The following ATF6 variants were observed in gnomAD, a reference collection of about 807,000 sequenced individuals.
The protein encoded by ATF6 is cyclic AMP-dependent transcription factor ATF-6 alpha.
In ATF6, 53 loss-of-function variants were observed where a neutral mutation model predicts 83.6. The observed-to-expected ratio is 0.63, with a 90% CI of 0.51 to 0.80. ATF6 has a LOEUF of 0.80. ATF6 is among the 30% of genes least tolerant of loss of function. The pLI, the probability that ATF6 is intolerant of heterozygous loss-of-function variation, is 0.00. For synonymous variants in ATF6, 288 were observed against 285.8 expected (o/e 1.01, Z -0.08); for missense variants, 744 against 797.9 (o/e 0.93, Z 0.81).
At position 161,836,659 on chromosome 1, in the gene ATF6, T is replaced by G. The variant is rs948109378; in HGVS notation, c.1188-9790T>G. 3.9e-5 allele frequency among the ~76,000 whole-genome samples: 6 copies of G among 152,212 alleles called. No homozygotes were observed. In the East Asian group the frequency reaches 1.2e-3, roughly 29 times the overall value. Reference sequence around the variant, plus strand: ...AAAAGATGTCTTAGAACCTATCAAGTGCAGAGCTGGGTTTTGAGGGCATGG... The same window carrying G: ...AAAAGATGTCTTAGAACCTATCAAGGGCAGAGCTGGGTTTTGAGGGCATGG... On this transcript the variant is annotated intron_variant, in intron 9 of 15. Transcript: ENST00000367942.
At chr1:161,953,056 G>T (rs984548094) in intron 15 of ATF6, among the ~76,000 whole-genome samples, 3 of 152,060 alleles carry the variant, frequency 2.0e-5, no homozygotes, top group African/African-American at 4.8e-5. Context: ...TTAGGAGCTT[G>T]TTACAAGAAT....
chr1:161,890,610 G>C (rs988089862), intron 14 of ATF6, among the ~76,000 whole-genome samples: 3 of 152,216 alleles, frequency 2.0e-5, no homozygotes, highest in Non-Finnish European at 4.4e-5. Flanking sequence ...TAGGTGGAAG[G>C]GCGGCTTCGG....
chr1:161,887,786 T>G (rs1289537809), intron 14 of ATF6, among the ~76,000 whole-genome samples: 1 of 152,174 alleles, frequency 6.6e-6, no homozygotes, highest in Admixed American at 6.5e-5. Flanking sequence ...CATAAATCTC[T>G]AAGTATTCCT....
intron 14 of ATF6, among the ~76,000 whole-genome samples, chr1:161,900,247 G>A (rs992436614): frequency 2.8e-4 from 42 of 152,294 alleles, no homozygotes; most frequent in African/African-American, 1.0e-3. Context: ...GAAATATGCT[G>A]TAGGAACGTA....
intron 15 of ATF6, among the ~76,000 whole-genome samples, chr1:161,944,969 ATC>A: frequency 6.6e-6 from 1 of 152,332 alleles, no homozygotes; most frequent in East Asian, 1.9e-4. Context: ...TTGGCATTGT[ATC>A]TCATCCTGGT....
At chr1:161,877,415 G>A (rs1455000501) in intron 14 of ATF6, among the ~76,000 whole-genome samples, 1 of 152,084 alleles carries the variant, frequency 6.6e-6, no homozygotes, top group Non-Finnish European at 1.5e-5. Context: ...AACATGGGGG[G>A]AATTCAAGGA....
At chr1:161,853,165 A>G in intron 11 of ATF6, 59 bp from the exon 12 acceptor site, 1 of 1,215,268 alleles carries the variant, frequency 8.2e-7, no homozygotes, top group Non-Finnish European at 1.2e-6. Context: ...ACAGGGTGAA[A>G]CATCCATTTC....
chr1:161,829,536 A>T (rs1243438034), intron 9 of ATF6, among the ~76,000 whole-genome samples: 1 of 152,212 alleles, frequency 6.6e-6, no homozygotes, highest in Non-Finnish European at 1.5e-5. Context: ...CCTGATGAAC[A>T]TCGATGAAAA....
chr1:161,960,900 T>A lies in ATF6; in HGVS notation c.*2246T>A, dbSNP rs537605332. The stretch of plus-strand genomic sequence containing the variant: ...GGCTGTGACCATGGCTAGTAGACAG[T>A]GGCAACATAGTCATCCCCAAGATGC... On this transcript the variant is annotated 3_prime_UTR_variant, in exon 16 of 16. Coordinates refer to ENST00000367942, the MANE Select transcript of ATF6 (RefSeq NM_007348.4). 5.9e-5 allele frequency: 9 copies of A among 152,236 alleles called. No homozygotes were observed. Among genetic ancestry groups the A allele is most frequent in the Non-Finnish European group, 1.2e-4 (8 of 68,056 alleles). The allele number at this position is 152,236 out of a possible 1,614,324, so 9.4% of individuals were successfully genotyped here. A position where few individuals can be genotyped will look rare whatever the true frequency, so the allele number is the denominator to read the frequency against.
intron 15 of ATF6, among the ~76,000 whole-genome samples, chr1:161,939,198 T>G (rs1688596758): frequency 1.3e-5 from 2 of 152,240 alleles, no homozygotes; most frequent in African/African-American, 4.8e-5. Flanking sequence ...TCTGGTTTTG[T>G]TTTTCATCTT....
intron 15 of ATF6, among the ~76,000 whole-genome samples, chr1:161,938,677 A>G (rs929148250): frequency 1.3e-5 from 2 of 152,230 alleles, no homozygotes; most frequent in African/African-American, 2.4e-5. Flanking sequence ...GTAGTATAGC[A>G]ATAGGTTGTG....
chr1:161,948,823 G>A (rs1275773175), intron 15 of ATF6, among the ~76,000 whole-genome samples: 9 of 152,160 alleles, frequency 5.9e-5, no homozygotes, highest in Non-Finnish European at 8.8e-5. Context: ...CCGACAAAAC[G>A]ATCAGTTGTA....
chr1:161,911,332 G>A (rs1324299459), intron 14 of ATF6, among the ~76,000 whole-genome samples: 1 of 152,140 alleles, frequency 6.6e-6, no homozygotes, highest in Non-Finnish European at 1.5e-5. Flanking sequence ...CTAGGAAGAA[G>A]AGGAGTTACT....
At chr1:161,806,390 G>A (rs189033665) in intron 7 of ATF6, among the ~76,000 whole-genome samples, 137 of 152,276 alleles carry the variant, frequency 9.0e-4, no homozygotes, top group Middle Eastern at 3.4e-3. Flanking sequence ...AAGGTTATAG[G>A]AATTACATTG....
chr1:161,794,907 A>G (rs1388712123), intron 6 of ATF6, among the ~76,000 whole-genome samples: 1 of 152,198 alleles, frequency 6.6e-6, no homozygotes. Flanking sequence ...AGAGATTGGT[A>G]ATTGGATTGT....
chr1:161,916,152 G>T (rs911575987), intron 15 of ATF6, among the ~76,000 whole-genome samples: 15 of 152,184 alleles, frequency 9.9e-5, no homozygotes, highest in African/African-American at 9.7e-5. Flanking sequence ...CAAAACGGAA[G>T]TCAATGACAA....
At position 161,898,555 on chromosome 1, in the gene ATF6, GT is replaced by G. The variant is rs1209705322; in HGVS notation, c.1720-13731del. Reference sequence around the variant, plus strand: ...GTGTGTTTTTTTTGTTTTTGTTTTTGTTTTTTTTTTGAGACAGAGTCTCACT... The same window carrying G: ...GTGTGTTTTTTTTGTTTTTGTTTTTGTTTTTTTTTGAGACAGAGTCTCACT... On this transcript the variant is annotated intron_variant, in intron 14 of 15. Coordinates refer to ENST00000367942, the MANE Select transcript of ATF6 (RefSeq NM_007348.4). 4.1e-5 allele frequency among the ~76,000 whole-genome samples: 6 copies of G among 145,856 alleles called. No homozygotes were observed. The East Asian group carries it at 6.0e-4, about 15-fold the overall frequency.
At chr1:161,861,297 TATAGATAG>T (rs147582044) in intron 13 of ATF6, among the ~76,000 whole-genome samples, 3 of 152,000 alleles carry the variant, frequency 2.0e-5, no homozygotes, top group African/African-American at 2.4e-5. Flanking sequence ...GAGAAAAAAA[TATAGATAG>T]ATAGATAGAT....
intron 14 of ATF6, among the ~76,000 whole-genome samples, chr1:161,873,270 T>G (rs562243687): frequency 6.6e-6 from 1 of 151,756 alleles, no homozygotes; most frequent in Non-Finnish European, 1.5e-5. Flanking sequence ...TTTATAGAAC[T>G]ATTTCTCATT....
Sources: gnomAD v4.1 joint callset for allele counts (sites outside exome capture counted in the v4.1 genomes callset) on GRCh38, gnomAD v4.1.1 for gene constraint, MANE v1.5 for transcripts, NCBI Gene and HGNC (gene_info 2026-07-23, HGNC 2026-07-21) for gene names.